Variants in CNOT2 observed in about 807,000 individuals in gnomAD.
The protein encoded by CNOT2 is CC chemokine receptor 4-negative regulator of transcription 2.
In CNOT2, 7 loss-of-function variants were observed where a neutral mutation model predicts 72.1. That is an observed-to-expected ratio of 0.10 (90% confidence interval 0.06 to 0.18). CNOT2 has a LOEUF of 0.18. Among genes scored for constraint, CNOT2 ranks in the 10% least tolerant of loss-of-function variants. The probability of loss-of-function intolerance (pLI) is 1.00; values close to 1 mark genes in which losing one functional copy is unlikely to be tolerated. For missense variants in CNOT2, 345 were observed against 660.3 expected (o/e 0.52, Z 5.23); for synonymous variants, 196 against 225.6 (o/e 0.87, Z 1.17).
chr12:70,350,042 T>C (rs1046715278), intron 15 of CNOT2, among the ~76,000 whole-genome samples: 2 of 152,114 alleles, frequency 1.3e-5, no homozygotes, highest in African/African-American at 4.8e-5. Context: ...TGCTTATTCT[T>C]TCCTTTTATA....
chr12:70,350,892 GT>G (rs1882777933), intron 15 of CNOT2, among the ~76,000 whole-genome samples: 1 of 148,780 alleles, frequency 6.7e-6, no homozygotes, highest in Non-Finnish European at 1.5e-5. Context: ...CCTCTGCAGT[GT>G]GTGTTTCTCT....
chr12:70,282,270 T>G (rs1236002729), intron 2 of CNOT2, among the ~76,000 whole-genome samples: 1 of 152,174 alleles, frequency 6.6e-6, no homozygotes, highest in Non-Finnish European at 1.5e-5. Context: ...ATTGGTCACA[T>G]CATATGCTAG....
At chr12:70,247,336 A>C (rs920241357) in intron 1 of CNOT2, among the ~76,000 whole-genome samples, 4 of 151,888 alleles carry the variant, frequency 2.6e-5, no homozygotes, top group Admixed American at 1.3e-4. Flanking sequence ...TTGTATTTTC[A>C]GTAGAGACAG....
At chr12:70,351,088 T>C (rs1249387861) in intron 15 of CNOT2, among the ~76,000 whole-genome samples, 1 of 152,202 alleles carries the variant, frequency 6.6e-6, no homozygotes, top group Non-Finnish European at 1.5e-5. Flanking sequence ...TTTCTAGCCT[T>C]TGCAATCATA....
At chr12:70,255,652 G>T (rs1000158442) in intron 1 of CNOT2, among the ~76,000 whole-genome samples, 4 of 152,036 alleles carry the variant, frequency 2.6e-5, no homozygotes. Flanking sequence ...TTTGTTGTAT[G>T]TGCTGATTAT....
rs377527305 is a variant in CNOT2 at position 70,335,440 on chromosome 12, G to A, written c.652G>A (p.Gly218Arg). Residue 218 changes from glycine (G) to arginine (R), a missense_variant and splice_region_variant, in exon 8 of 16, where the codon GGA (glycine) becomes AGA (arginine). By Grantham distance (125) the Gly-to-Arg change is moderately radical. Around this residue, in one of 4 missense-constraint regions of CNOT2, gnomAD observed 128 missense variants for 233.0 expected, o/e 0.55. Coordinates refer to ENST00000229195, the MANE Select transcript of CNOT2 (RefSeq NM_014515.7). Reference sequence around the variant, plus strand: ...CAGTGTCCTTTCTTATTATTTAGACGGAAGTGAAAATGTGACAGGATTGGA... The same window carrying A: ...CAGTGTCCTTTCTTATTATTTAGACAGAAGTGAAAATGTGACAGGATTGGA... ...LSSNIFNGTD[G>R]SENVTGLDLS... 3 of 1,596,512 alleles carry A rather than the reference G, an allele frequency of 1.9e-6. No homozygotes were observed. Among genetic ancestry groups the A allele is most frequent in the Non-Finnish European group, 2.6e-6 (3 of 1,164,768 alleles).
chr12:70,277,446 A>G (rs1869033442), intron 1 of CNOT2, among the ~76,000 whole-genome samples: 1 of 152,060 alleles, frequency 6.6e-6, no homozygotes, highest in African/African-American at 2.4e-5. Context: ...TTAAGAAATC[A>G]TCCCCATTAT....
chr12:70,314,681 C>G (rs1877015293), intron 3 of CNOT2, among the ~76,000 whole-genome samples: 1 of 152,006 alleles, frequency 6.6e-6, no homozygotes, highest in African/African-American at 2.4e-5. Flanking sequence ...TCAAATGTTC[C>G]TTATGTAAGC....
rs1346681433 is a variant in CNOT2, at chr12:70,330,178, AATTTGAAAGTAT to A, written c.387-102_387-91del. The A allele has an allele frequency of 1.3e-5, 7 of 540,282 alleles. No homozygotes were observed. In the South Asian group the frequency reaches 2.3e-4, roughly 17 times the overall value. The allele number at this position is 540,282 out of a possible 1,614,324, so 33.5% of individuals were successfully genotyped here. On this transcript the variant is annotated intron_variant, in intron 5 of 15. Transcript: ENST00000229195. ...AAGAATTAATAAAAATTAGAACTGCAATTTGAAAGTATATTTGAGATTCTAGGGTTGGACCAA... is the reference window on the plus strand; with the variant it reads ...AAGAATTAATAAAAATTAGAACTGCAATTTGAGATTCTAGGGTTGGACCAA...
At chr12:70,269,897 A>G (rs1378572210) in intron 1 of CNOT2, among the ~76,000 whole-genome samples, 2 of 152,220 alleles carry the variant, frequency 1.3e-5, no homozygotes, top group African/African-American at 2.4e-5. Context: ...TGCCTAATAT[A>G]TATTAGGTGA....
chr12:70,353,801 AT>A, intron 15 of CNOT2, 27 bp from the exon 16 acceptor site: 1 of 1,597,314 alleles, frequency 6.3e-7, no homozygotes, highest in Non-Finnish European at 8.5e-7. Flanking sequence ...AGGGGAAGAT[AT>A]CTAAATTCTT....
Position 70,318,080 on chromosome 12 carries a change from A to G in CNOT2, c.172-1218A>G, listed in dbSNP as rs574171244. On this transcript the variant is annotated intron_variant, in intron 3 of 15. Coordinates refer to ENST00000229195, the MANE Select transcript of CNOT2 (RefSeq NM_014515.7). ...AATAACTGTTACTTCTACCACCAGA[A>G]TGCGTCTTATTTTTAGTCTCACTTC... Among the ~76,000 whole-genome samples, 3 of 151,976 alleles carry G rather than the reference A, an allele frequency of 2.0e-5. No individual in the cohort carries two copies. The East Asian group carries it at 5.8e-4, about 29-fold the overall frequency.
intron 4 of CNOT2, among the ~76,000 whole-genome samples, chr12:70,320,904 A>C (rs930389157): frequency 1.3e-4 from 19 of 151,824 alleles, no homozygotes; most frequent in African/African-American, 4.6e-4. Flanking sequence ...TACAAATCTG[A>C]AATTCTAACT....
At chr12:70,341,845 A>C (rs1881548496) in intron 11 of CNOT2, 1 of 377,288 alleles carries the variant, frequency 2.7e-6, no homozygotes, top group Admixed American at 4.2e-5. Context: ...GAAAATTTTT[A>C]ATCATGTTTT....
At chr12:70,341,910 G>A in intron 11 of CNOT2, 197 bp from the exon 12 acceptor site, 1 of 604,672 alleles carries the variant, frequency 1.7e-6, no homozygotes, top group Non-Finnish European at 2.9e-6. Context: ...ACTGAGGGAA[G>A]GAGTCCTATC....
chr12:70,349,885 G>A (rs957776343), intron 15 of CNOT2, among the ~76,000 whole-genome samples: 1 of 152,084 alleles, frequency 6.6e-6, no homozygotes, highest in Admixed American at 6.6e-5. Context: ...GTATGCTCCT[G>A]CAGTCCTAGC....
chr12:70,264,097 G>A (rs1404533248), intron 1 of CNOT2, among the ~76,000 whole-genome samples: 1 of 152,162 alleles, frequency 6.6e-6, no homozygotes, highest in Non-Finnish European at 1.5e-5. Context: ...GTTATTAACA[G>A]TTCTCTGGAG....
intron 15 of CNOT2, among the ~76,000 whole-genome samples, chr12:70,348,756 A>T (rs1233301180): frequency 1.3e-5 from 2 of 152,228 alleles, no homozygotes; most frequent in Admixed American, 1.3e-4. Context: ...ACATTAATGT[A>T]GGACTCCTTT....
intron 15 of CNOT2, among the ~76,000 whole-genome samples, chr12:70,352,095 T>C (rs1882943610): frequency 6.6e-6 from 1 of 152,196 alleles, no homozygotes; most frequent in Non-Finnish European, 1.5e-5. Context: ...TCTTTCAGCA[T>C]TTCTGGATTG....
Sources: allele counts gnomAD v4.1 joint callset (sites outside exome capture counted in the v4.1 genomes callset), GRCh38; gene constraint gnomAD v4.1.1; regional missense constraint gnomAD v4.1.1; transcripts MANE v1.5; gene names NCBI Gene and HGNC (gene_info 2026-07-23, HGNC 2026-07-21).